Variants in CNTN3 observed in about 807,000 individuals in gnomAD.
CNTN3 encodes contactin 3.
CNTN3 carries 60 observed loss-of-function variants against 119.1 expected under a neutral mutation model. That is an observed-to-expected ratio of 0.50 (90% CI 0.41 to 0.62). The LOEUF (loss-of-function observed/expected upper bound fraction) is 0.62. Among genes scored for constraint, CNTN3 ranks in the 20% least tolerant of loss-of-function variants. The pLI, the probability that CNTN3 is intolerant of heterozygous loss-of-function variation, is 0.00. For missense variants in CNTN3, 1,101 were observed against 1,242.4 expected (o/e 0.89, Z 1.71); for synonymous variants, 450 against 438.7 (o/e 1.03, Z -0.32).
chr3:74,440,500 C>A (rs375835899), intron 4 of CNTN3, among the ~76,000 whole-genome samples: 1 of 146,814 alleles, frequency 6.8e-6, no homozygotes. Flanking sequence ...AAAAAAAAGT[C>A]TCCCATAAAA....
At chr3:74,513,854 G>C (rs948841158) in intron 2 of CNTN3, among the ~76,000 whole-genome samples, 9 of 151,954 alleles carry the variant, frequency 5.9e-5, no homozygotes, top group African/African-American at 1.9e-4. Context: ...ATGGTATAAA[G>C]AGAAAGTAAT....
chr3:74,595,019 G>A lies in CNTN3; in HGVS notation c.-81+19372C>T, dbSNP rs1487885897. Among the ~76,000 whole-genome samples, 30 of 152,170 alleles carry A rather than the reference G, an allele frequency of 2.0e-4. 1 individual carries two copies. The South Asian group carries it at 6.0e-3, about 31-fold the overall frequency. On this transcript the variant is annotated intron_variant, in intron 1 of 22. Coordinates refer to ENST00000263665, the MANE Select transcript of CNTN3 (RefSeq NM_020872.3). The stretch of plus-strand genomic sequence containing the variant: ...TGGCGTGAGATGGTATCTCATTGTG[G>A]TTTTGATTTGCATTTCTCTGATGGC...
chr3:74,380,762 G>A (rs988114905), intron 5 of CNTN3, among the ~76,000 whole-genome samples: 8 of 152,156 alleles, frequency 5.3e-5, no homozygotes, highest in Non-Finnish European at 1.2e-4. Context: ...TAAAATATCT[G>A]AAATAATTAA....
chr3:74,461,369 T>C (rs909458835), intron 4 of CNTN3, among the ~76,000 whole-genome samples: 3 of 152,060 alleles, frequency 2.0e-5, no homozygotes, highest in African/African-American at 4.8e-5. Context: ...AATTGCAATA[T>C]AAAATAGGTT....
intron 4 of CNTN3, among the ~76,000 whole-genome samples, chr3:74,435,142 C>T (rs561916308): frequency 1.3e-5 from 2 of 152,240 alleles, no homozygotes; most frequent in South Asian, 4.1e-4. Context: ...TCTGATTTTG[C>T]ATTACCATCA....
intron 4 of CNTN3, among the ~76,000 whole-genome samples, chr3:74,449,607 C>G (rs1165821898): frequency 6.6e-6 from 1 of 152,050 alleles, no homozygotes; most frequent in Non-Finnish European, 1.5e-5. Flanking sequence ...GACCAGTGAT[C>G]TGAGGACCAC....
intron 1 of CNTN3, among the ~76,000 whole-genome samples, chr3:74,565,051 A>G (rs1222712950): frequency 1.3e-5 from 2 of 152,080 alleles, no homozygotes; most frequent in African/African-American, 4.8e-5. Flanking sequence ...CCACTTCTAC[A>G]TTTCAACCCA....
chr3:74,344,469 A>C (rs1264969536), intron 11 of CNTN3, among the ~76,000 whole-genome samples: 1 of 109,012 alleles, frequency 9.2e-6, no homozygotes, highest in Non-Finnish European at 1.7e-5. Context: ...TCTGTCCCCC[A>C]GGCTGGAGTA....
intron 4 of CNTN3, among the ~76,000 whole-genome samples, chr3:74,474,214 T>C (rs950387191): frequency 2.4e-4 from 36 of 152,222 alleles, no homozygotes; most frequent in African/African-American, 7.5e-4. Context: ...ATCAGATTTA[T>C]TGCTAAATAG....
intron 4 of CNTN3, among the ~76,000 whole-genome samples, chr3:74,457,253 G>A (rs918600483): frequency 9.2e-5 from 14 of 151,964 alleles, no homozygotes; most frequent in Middle Eastern, 3.2e-3. Context: ...GTTTCCAAAA[G>A]TCTAATTTAC....
chr3:74,460,839 T>A (rs911164947), intron 4 of CNTN3, among the ~76,000 whole-genome samples: 3 of 138,120 alleles, frequency 2.2e-5, no homozygotes, highest in African/African-American at 8.0e-5. Context: ...TCTTTCTTTT[T>A]TTTTTGCCTT....
intron 1 of CNTN3, among the ~76,000 whole-genome samples, chr3:74,539,960 C>G (rs1703819334): frequency 6.6e-6 from 1 of 152,090 alleles, no homozygotes; most frequent in South Asian, 2.1e-4. Flanking sequence ...CACATAAAAT[C>G]CAGACCTGTA....
intron 1 of CNTN3, among the ~76,000 whole-genome samples, chr3:74,594,746 G>T (rs530983558): frequency 2.0e-5 from 3 of 151,846 alleles, no homozygotes; most frequent in African/African-American, 7.3e-5. Context: ...GAATAGTGCC[G>T]CAATAAACAT....
chr3:74,428,343 A>G (rs1447592594), intron 4 of CNTN3, among the ~76,000 whole-genome samples: 1 of 152,108 alleles, frequency 6.6e-6, no homozygotes, highest in Non-Finnish European at 1.5e-5. Flanking sequence ...CATTGTCATT[A>G]TAACAGATGA....
chr3:74,477,351 G>A (rs960535891), intron 4 of CNTN3, among the ~76,000 whole-genome samples: 7 of 152,092 alleles, frequency 4.6e-5, no homozygotes, highest in African/African-American at 1.2e-4. Flanking sequence ...TTTGGCAAAT[G>A]AGGGCAAAAT....
At chr3:74,523,374 A>G (rs1378339423) in intron 1 of CNTN3, among the ~76,000 whole-genome samples, 1 of 151,894 alleles carries the variant, frequency 6.6e-6, no homozygotes, top group African/African-American at 2.4e-5. Flanking sequence ...ACTAGTCATA[A>G]AAGGCATGTG....
intron 19 of CNTN3, among the ~76,000 whole-genome samples, chr3:74,286,622 G>A (rs1474599241): frequency 6.6e-6 from 1 of 152,138 alleles, no homozygotes. Flanking sequence ...TCCAGAAGGA[G>A]AGACTGAGGA....
intron 1 of CNTN3, among the ~76,000 whole-genome samples, chr3:74,535,640 C>T (rs981838319): frequency 6.6e-6 from 1 of 152,118 alleles, no homozygotes; most frequent in Non-Finnish European, 1.5e-5. Context: ...CGATACAATG[C>T]GAGCCTGGGG....
intron 11 of CNTN3, 141 bp from the exon 12 acceptor site, chr3:74,336,799 C>CAAA: frequency 2.3e-5 from 9 of 394,394 alleles, no homozygotes; most frequent in Non-Finnish European, 3.0e-5. Context: ...TTTGGGAATA[C>CAAA]AAAAAAAAAA....
Sources: allele counts gnomAD v4.1 joint callset (sites outside exome capture counted in the v4.1 genomes callset), GRCh38; gene constraint gnomAD v4.1.1; transcripts MANE v1.5; gene names NCBI Gene and HGNC (gene_info 2026-07-23, HGNC 2026-07-21).